SEMA6D: variants seen among roughly 807,000 people sequenced by gnomAD.
The protein encoded by SEMA6D is semaphorin 6D.
In SEMA6D, 35 loss-of-function variants were observed where a neutral mutation model predicts 106.6. The observed-to-expected ratio is 0.33, with a 90% CI of 0.25 to 0.44. The LOEUF (loss-of-function observed/expected upper bound fraction) is 0.44, where lower values mean the gene tolerates loss of function less well. SEMA6D is among the 20% of genes least tolerant of loss of function. SEMA6D has a pLI of 1.00. For synonymous variants in SEMA6D, 499 were observed against 487.7 expected, an observed-to-expected ratio of 1.02 and a Z score of -0.31; for missense variants, 1,185 against 1,345.9, an observed-to-expected ratio of 0.88 and a Z score of 1.87.
chr15:47,384,995 A>G (rs2039780653), intron 1 of SEMA6D, among the ~76,000 whole-genome samples: 1 of 150,534 alleles, frequency 6.6e-6, no homozygotes, highest in African/African-American at 2.4e-5. Context: ...CATGAAGATG[A>G]TAAATCAGAC....
intron 4 of SEMA6D, among the ~76,000 whole-genome samples, chr15:47,624,754 C>G (rs1186888551): frequency 6.6e-6 from 1 of 152,094 alleles, no homozygotes; most frequent in East Asian, 1.9e-4. Context: ...TTCATATTTC[C>G]CAGATGCATT....
At chr15:47,211,680 TCA>T (rs2030028298) in intron 1 of SEMA6D, among the ~76,000 whole-genome samples, 2 of 152,218 alleles carry the variant, frequency 1.3e-5, no homozygotes, top group East Asian at 1.9e-4. Flanking sequence ...TGACCTTTTA[TCA>T]AAGAGGAAAA....
chr15:47,696,669 T>C (rs947722856), intron 4 of SEMA6D, among the ~76,000 whole-genome samples: 3 of 152,138 alleles, frequency 2.0e-5, no homozygotes, highest in African/African-American at 7.2e-5. Context: ...GCGTGGGGAT[T>C]GTTACTTCAA....
rs181091438 is a variant in SEMA6D, at chr15:47,537,740, C to T, written c.-86-63125C>T. 7.2e-5 allele frequency among the ~76,000 whole-genome samples: 11 copies of T among 151,848 alleles called. No homozygotes were observed. The East Asian group carries it at 7.8e-4, about 11-fold the overall frequency. On this transcript the variant is annotated intron_variant, in intron 3 of 19. Transcript: ENST00000558014. ...CTTGATGATAGACTGGCTACGGAGG[C>T]GCAAGGAAGGAAGTAATCAAGGATA...
intron 4 of SEMA6D, among the ~76,000 whole-genome samples, chr15:47,651,929 A>T (rs540482450): frequency 6.6e-6 from 1 of 152,188 alleles, no homozygotes; most frequent in Non-Finnish European, 1.5e-5. Context: ...CCCTGCCTGG[A>T]TATATCTTGG....
chr15:47,640,419 T>G (rs1470947520), intron 4 of SEMA6D, among the ~76,000 whole-genome samples: 3 of 152,174 alleles, frequency 2.0e-5, no homozygotes, highest in Non-Finnish European at 4.4e-5. Context: ...GAGCAGCTCT[T>G]GAGATCCTGC....
chr15:47,728,806 A>G lies in SEMA6D; in HGVS notation c.-55+11114A>G, dbSNP rs77290254. Reference sequence around the variant, plus strand: ...CTCCATCTTCAAAGCCAGCAATCCTATGACTGAGACTTCTTCCATAGTCAC... The same window carrying G: ...CTCCATCTTCAAAGCCAGCAATCCTGTGACTGAGACTTCTTCCATAGTCAC... On this transcript the variant is annotated intron_variant, in intron 1 of 18. Transcript: ENST00000536845. Among the ~76,000 whole-genome samples, 279 of 152,244 alleles carry G rather than the reference A, an allele frequency of 1.8e-3. 4 individuals carry two copies. The highest frequency in any genetic ancestry group is 6.3e-3 in the African/African-American group (261 of 41,546).
intron 4 of SEMA6D, among the ~76,000 whole-genome samples, chr15:47,708,481 T>C (rs1363516687): frequency 6.6e-6 from 1 of 152,236 alleles, no homozygotes; most frequent in East Asian, 1.9e-4. Context: ...GCATTTCCCC[T>C]TGTCCTATAC....
At chr15:47,748,546 C>A (rs889232404) in intron 1 of SEMA6D, among the ~76,000 whole-genome samples, 2 of 152,126 alleles carry the variant, frequency 1.3e-5, no homozygotes, top group African/African-American at 2.4e-5. Context: ...CTGAGCAGAG[C>A]AGTGTGGCTG....
At chr15:47,516,746 A>G (rs1472121541) in intron 3 of SEMA6D, among the ~76,000 whole-genome samples, 2 of 152,148 alleles carry the variant, frequency 1.3e-5, no homozygotes, top group African/African-American at 2.4e-5. Flanking sequence ...GACATCATCA[A>G]AGTGATGCGT....
intron 3 of SEMA6D, among the ~76,000 whole-genome samples, chr15:47,508,957 G>T (rs546388736): frequency 6.6e-6 from 1 of 151,668 alleles, no homozygotes; most frequent in Non-Finnish European, 1.5e-5. Context: ...TTTTTTTTGC[G>T]GGGGGAGACA....
intron 4 of SEMA6D, among the ~76,000 whole-genome samples, chr15:47,694,715 A>C (rs1425703050): frequency 1.3e-5 from 2 of 152,150 alleles, no homozygotes; most frequent in African/African-American, 4.8e-5. Context: ...AGATCAAGGC[A>C]TGTGTCTGTT....
At chr15:47,669,008 A>G (rs1271426799) in intron 4 of SEMA6D, among the ~76,000 whole-genome samples, 2 of 152,172 alleles carry the variant, frequency 1.3e-5, no homozygotes, top group East Asian at 1.9e-4. Flanking sequence ...ATGAACACCC[A>G]TATAGATTCA....
At chr15:47,693,136 A>G (rs2078625054) in intron 4 of SEMA6D, among the ~76,000 whole-genome samples, 1 of 152,164 alleles carries the variant, frequency 6.6e-6, no homozygotes, top group Non-Finnish European at 1.5e-5. Flanking sequence ...GGTTGTTACA[A>G]TGGTCCCTAA....
chr15:47,214,059 T>C (rs1425829527), intron 1 of SEMA6D, among the ~76,000 whole-genome samples: 1 of 152,094 alleles, frequency 6.6e-6, no homozygotes, highest in Admixed American at 6.6e-5. Flanking sequence ...CAGAATGTCA[T>C]CCATGTGTGT....
chr15:47,348,526 A>G (rs1360961101), intron 1 of SEMA6D, among the ~76,000 whole-genome samples: 2 of 152,096 alleles, frequency 1.3e-5, no homozygotes, highest in Admixed American at 6.6e-5. Context: ...TTGAGCACCC[A>G]CATGATACCA....
intron 1 of SEMA6D, among the ~76,000 whole-genome samples, chr15:47,353,063 T>G (rs897601498): frequency 9.0e-6 from 1 of 111,716 alleles, no homozygotes; most frequent in Non-Finnish European, 2.3e-5. Flanking sequence ...TGGTAGTTTA[T>G]TTTGTGTGTG....
chr15:47,634,555 G>A lies in SEMA6D; in HGVS notation c.-55+33659G>A, dbSNP rs753541678. On this transcript the variant is annotated intron_variant, in intron 4 of 19. Coordinates refer to the SEMA6D transcript ENST00000558014. ...ATTCCACCTCATTGATATTAAGTGG[G>A]AGTGGAGGCTTAGCTTCCCACTGCA... Among the ~76,000 whole-genome samples the A allele has an allele frequency of 3.9e-5, 6 of 152,274 alleles. No individual in the cohort carries two copies. In the East Asian group the frequency reaches 5.8e-4, roughly 15 times the overall value.
intron 3 of SEMA6D, among the ~76,000 whole-genome samples, chr15:47,482,091 C>T (rs952718006): frequency 9.2e-5 from 14 of 152,078 alleles, no homozygotes; most frequent in Admixed American, 5.2e-4. Flanking sequence ...GTGGGGAAAA[C>T]AAATGATTAA....
Sources: allele counts gnomAD v4.1 joint callset (sites outside exome capture counted in the v4.1 genomes callset), GRCh38; gene constraint gnomAD v4.1.1; transcripts MANE v1.5; gene names NCBI Gene and HGNC (gene_info 2026-07-23, HGNC 2026-07-21).